DNAAF10: variants seen among roughly 807,000 people sequenced by gnomAD.
The protein encoded by DNAAF10 is dynein axonemal assembly factor 10, also known as WD repeat domain 92.
DNAAF10 carries 28 observed loss-of-function variants against 43.7 expected under a neutral mutation model. The observed-to-expected ratio is 0.64, with a 90% CI of 0.48 to 0.88. The LOEUF (loss-of-function observed/expected upper bound fraction) is 0.88. DNAAF10 is among the 40% of genes least tolerant of loss of function. The pLI is 0.00. For missense variants in DNAAF10, 403 were observed against 439.1 expected (o/e 0.92, Z 0.73); for synonymous variants, 156 against 157.3 (o/e 0.99, Z 0.06).
intron 1 of DNAAF10, among the ~76,000 whole-genome samples, chr2:68,155,327 A>C (rs1180302093): frequency 6.6e-6 from 1 of 151,934 alleles, no homozygotes; most frequent in Non-Finnish European, 1.5e-5. Flanking sequence ...CCCCATCTCT[A>C]CTAAAAATAC....
chr2:68,156,210 C>CA (rs1673605485), intron 1 of DNAAF10, among the ~76,000 whole-genome samples: 1 of 151,148 alleles, frequency 6.6e-6, no homozygotes, highest in East Asian at 2.0e-4. Context: ...TCATGTTTGT[C>CA]ATTCAGGGAA....
rs1192560947 is a variant in DNAAF10 at position 68,131,413 on chromosome 2, G to A, written c.899C>T (p.Ser300Phe). The A allele has an allele frequency of 6.2e-7, 1 of 1,613,466 alleles. No individual in the cohort carries two copies. The highest frequency in any genetic ancestry group is 1.3e-5 in the African/African-American group (1 of 74,984). ...EYPIQRSKKD[S>F]EGIEMGVAGS... ...TGCGACTCCCATTTCTATTCCCTCA[G>A]AATCTTTCTTTGACCGCTGAATAGG... Residue 300 changes from serine (S) to phenylalanine (F), a missense_variant, in exon 8 of 8, where the codon TCT becomes TTT. By Grantham distance (155) the Ser-to-Phe change is radical. Transcript: ENST00000295121.
At position 68,131,592 on chromosome 2, in the gene DNAAF10, C is replaced by T; in HGVS notation, c.867-147G>A. On this transcript the variant is annotated intron_variant, in intron 7 of 7. Transcript: ENST00000295121. ...AATCTTTCTAATACTGAGTTGTTTG[C>T]AAATAAAGAGACAATTTCAACCTCA... 3.8e-6 allele frequency: 3 copies of T among 782,412 alleles called. No homozygotes were observed. In the South Asian group the frequency reaches 5.7e-5, roughly 15 times the overall value. 48.5% of individuals were successfully genotyped at this position (782,412 alleles called of 1,614,324 possible).
Position 68,152,220 on chromosome 2 carries a change from T to C in DNAAF10, c.184-4653A>G, listed in dbSNP as rs577175190. 1.3e-4 allele frequency among the ~76,000 whole-genome samples: 20 copies of C among 152,352 alleles called. No individual in the cohort carries two copies. The East Asian group carries it at 3.9e-3, about 29-fold the overall frequency. ...ATGATATTATGCTTCCCTCATGTTC[T>C]TTGTCCTTTTCTTAAAGAAACACAA... is the stretch of plus-strand genomic sequence containing the variant. On this transcript the variant is annotated intron_variant, in intron 1 of 7. Coordinates refer to ENST00000295121, the MANE Select transcript of DNAAF10 (RefSeq NM_138458.4).
At chr2:68,139,620 C>CT (rs1474103864) in intron 4 of DNAAF10, among the ~76,000 whole-genome samples, 10 of 140,804 alleles carry the variant, frequency 7.1e-5, no homozygotes, top group African/African-American at 2.6e-4. Flanking sequence ...CCTGTCTCTA[C>CT]TAAAAAAAAA....
At chr2:68,142,026 A>G (rs1673191964) in intron 3 of DNAAF10, among the ~76,000 whole-genome samples, 1 of 152,234 alleles carries the variant, frequency 6.6e-6, no homozygotes, top group South Asian at 2.1e-4. Context: ...CACACAGAAA[A>G]GCCAACAAGT....
intron 7 of DNAAF10, 115 bp downstream of exon 7, chr2:68,134,587 T>G (rs1672992181): frequency 2.6e-6 from 4 of 1,532,270 alleles, no homozygotes; most frequent in Admixed American, 2.7e-5. Flanking sequence ...AAATTTTAAA[T>G]CATATCAAAA....
intron 7 of DNAAF10, 77 bp downstream of exon 7, chr2:68,134,625 G>GA (rs371418782): frequency 1.4e-5 from 22 of 1,567,078 alleles, no homozygotes; most frequent in Admixed American, 4.6e-5. Flanking sequence ...GGAAAAAAAA[G>GA]AAAAAAAAGT....
At chr2:68,132,736 C>T (rs1202396732) in intron 7 of DNAAF10, among the ~76,000 whole-genome samples, 1 of 152,140 alleles carries the variant, frequency 6.6e-6, no homozygotes. Flanking sequence ...TGTACTTAAA[C>T]CAATTCCCTT....
chr2:68,148,472 C>T (rs1246479722), intron 1 of DNAAF10, among the ~76,000 whole-genome samples: 2 of 152,210 alleles, frequency 1.3e-5, no homozygotes, highest in African/African-American at 4.8e-5. Context: ...TATACTACTC[C>T]TATGCCTCCC....
intron 1 of DNAAF10, 70 bp from the exon 2 acceptor site, chr2:68,147,637 AT>A (rs1673351748): frequency 2.7e-6 from 3 of 1,108,460 alleles, no homozygotes; most frequent in Non-Finnish European, 3.8e-6. Context: ...TTAATATCAT[AT>A]TTATGGCTCT....
intron 1 of DNAAF10, among the ~76,000 whole-genome samples, chr2:68,154,823 G>A (rs936129261): frequency 6.6e-5 from 10 of 152,056 alleles, no homozygotes; most frequent in Admixed American, 6.5e-4. Context: ...AGGATGGAGT[G>A]CAGTGGTGCG....
intron 1 of DNAAF10, among the ~76,000 whole-genome samples, chr2:68,148,635 G>A (rs772861244): frequency 2.8e-4 from 42 of 152,050 alleles, no homozygotes; most frequent in Non-Finnish European, 5.6e-4. Context: ...TCCGGAATCT[G>A]GAATTAGATG....
At chr2:68,141,934 G>T in intron 3 of DNAAF10, 139 bp from the exon 4 acceptor site, 1 of 696,134 alleles carries the variant, frequency 1.4e-6, no homozygotes, top group South Asian at 1.9e-5. Flanking sequence ...ACATTGTTCT[G>T]ACTTCTAATT....
intron 4 of DNAAF10, among the ~76,000 whole-genome samples, chr2:68,140,296 G>A (rs987941056): frequency 3.3e-5 from 5 of 151,836 alleles, no homozygotes; most frequent in African/African-American, 1.2e-4. Context: ...CACCTAGATG[G>A]TACACCATCA....
intron 1 of DNAAF10, among the ~76,000 whole-genome samples, chr2:68,150,344 A>G (rs1304434602): frequency 1.3e-5 from 2 of 152,206 alleles, no homozygotes; most frequent in African/African-American, 2.4e-5. Flanking sequence ...CCAAGAACAA[A>G]AGCTGATGCA....
At chr2:68,151,560 G>A (rs565394030) in intron 1 of DNAAF10, among the ~76,000 whole-genome samples, 1 of 152,170 alleles carries the variant, frequency 6.6e-6, no homozygotes, top group Admixed American at 6.5e-5. Context: ...ATGAGAGCAG[G>A]GCCTTGCCTA....
intron 1 of DNAAF10, among the ~76,000 whole-genome samples, chr2:68,155,015 C>A (rs962640034): frequency 2.0e-5 from 3 of 152,010 alleles, no homozygotes; most frequent in African/African-American, 7.2e-5. Flanking sequence ...CTCAAGCAAT[C>A]CACCCCACTG....
chr2:68,151,717 T>C lies in DNAAF10; in HGVS notation c.184-4150A>G, dbSNP rs530221602. Among the ~76,000 whole-genome samples the C allele has an allele frequency of 3.9e-5, 6 of 152,338 alleles. No homozygotes were observed. In the East Asian group the frequency reaches 1.2e-3, roughly 29 times the overall value. ...CTCTCTCTTTTCTCCTACCATACTT[T>C]CATGTGCCAGGGTTCTGACAAACTG... On this transcript the variant is annotated intron_variant, in intron 1 of 7. Coordinates refer to ENST00000295121, the MANE Select transcript of DNAAF10 (RefSeq NM_138458.4).
Sources: allele counts gnomAD v4.1 joint callset (sites outside exome capture counted in the v4.1 genomes callset), GRCh38; gene constraint gnomAD v4.1.1; transcripts MANE v1.5; gene names NCBI Gene and HGNC (gene_info 2026-07-23, HGNC 2026-07-21).